GRID2: variants seen among roughly 807,000 people sequenced by gnomAD.
The protein encoded by GRID2 is glutamate ionotropic receptor delta type subunit 2.
GRID2 carries 33 observed loss-of-function variants against 114.8 expected under a neutral mutation model. The ratio of observed to expected loss-of-function variants is 0.29; its 90% CI spans 0.22 to 0.38. GRID2 has a LOEUF of 0.38. GRID2 is among the 10% of genes least tolerant of loss of function. The pLI, the probability that GRID2 is intolerant of heterozygous loss-of-function variation, is 1.00. For synonymous variants in GRID2, 505 were observed against 449.9 expected, an observed-to-expected ratio of 1.12 and a Z score of -1.55; for missense variants, 1,184 against 1,257.7, an observed-to-expected ratio of 0.94 and a Z score of 0.89.
rs536291769 is a variant in GRID2 at position 93,060,150 on chromosome 4, C to T, written c.245-24845C>T. Among the ~76,000 whole-genome samples, 8 of 152,172 alleles carry T rather than the reference C, an allele frequency of 5.3e-5. No individual in the cohort carries two copies. The East Asian group carries it at 5.8e-4, about 11-fold the overall frequency. ...TGTCGTTTACTGGAAAACCTCCCTG[C>T]GTGTGTAATTTGACAGCATTTTAGA... On this transcript the variant is annotated intron_variant, in intron 2 of 15. Coordinates refer to ENST00000282020, the MANE Select transcript of GRID2 (RefSeq NM_001510.4).
At chr4:92,995,228 C>T (rs1755128646) in intron 2 of GRID2, among the ~76,000 whole-genome samples, 1 of 152,104 alleles carries the variant, frequency 6.6e-6, no homozygotes, top group African/African-American at 2.4e-5. Context: ...CACTTTTCCT[C>T]ACAAGTGGAT....
At chr4:93,120,570 G>C (rs1358894887) in intron 4 of GRID2, among the ~76,000 whole-genome samples, 1 of 152,118 alleles carries the variant, frequency 6.6e-6, no homozygotes, top group African/African-American at 2.4e-5. Context: ...ACAGGGAGGG[G>C]AGCATCACAC....
chr4:92,373,384 T>C (rs1342212639), intron 1 of GRID2, among the ~76,000 whole-genome samples: 1 of 152,224 alleles, frequency 6.6e-6, no homozygotes, highest in African/African-American at 2.4e-5. Context: ...TGGTGTTCTA[T>C]GAAATTATCT....
intron 2 of GRID2, among the ~76,000 whole-genome samples, chr4:92,900,554 G>A (rs937110032): frequency 3.3e-5 from 5 of 152,194 alleles, no homozygotes; most frequent in East Asian, 3.9e-4. Flanking sequence ...TTCCAGGCCA[G>A]GCACGGCGGC....
intron 8 of GRID2, among the ~76,000 whole-genome samples, chr4:93,346,807 G>A (rs924279395): frequency 4.7e-4 from 71 of 152,200 alleles, no homozygotes; most frequent in African/African-American, 1.4e-3. Context: ...GAATAGACTG[G>A]ATTAAGAAAG....
chr4:93,576,444 G>A (rs1242685214), intron 13 of GRID2, among the ~76,000 whole-genome samples: 1 of 152,132 alleles, frequency 6.6e-6, no homozygotes, highest in Non-Finnish European at 1.5e-5. Context: ...CTTTTTGGGG[G>A]TCAGGACAAG....
At chr4:93,198,570 G>T (rs972210901) in intron 4 of GRID2, among the ~76,000 whole-genome samples, 1 of 152,132 alleles carries the variant, frequency 6.6e-6, no homozygotes, top group African/African-American at 2.4e-5. Context: ...CACTTACATA[G>T]TTATCTACGA....
intron 14 of GRID2, among the ~76,000 whole-genome samples, chr4:93,765,582 C>T (rs1027490299): frequency 3.1e-4 from 45 of 143,688 alleles, no homozygotes; most frequent in Admixed American, 2.5e-3. Context: ...CTTTTAATTC[C>T]TATTAGAATT....
intron 4 of GRID2, among the ~76,000 whole-genome samples, chr4:93,127,300 A>C (rs72887654): frequency 0.06 from 9,167 of 152,240 alleles, 481 homozygotes; most frequent in East Asian, 0.2. Context: ...TTTAATCAGT[A>C]AGTTTGTGTT....
At chr4:92,588,794 T>C (rs1363792253) in intron 1 of GRID2, among the ~76,000 whole-genome samples, 1 of 150,238 alleles carries the variant, frequency 6.7e-6, no homozygotes, top group Non-Finnish European at 1.5e-5. Flanking sequence ...ACTGATACAA[T>C]CCATGCCAAT....
chr4:92,691,636 T>C lies in GRID2; in HGVS notation c.244+101350T>C, dbSNP rs973916147. Among the ~76,000 whole-genome samples, 19 of 152,218 alleles carry C rather than the reference T, an allele frequency of 1.2e-4. 1 individual carries two copies. The highest frequency in any genetic ancestry group is 4.6e-4 in the African/African-American group (19 of 41,464). ...TTAAAGTAAATGTAATATTTCAAAA[T>C]CTCTGGGCTGGGGCCCAAAATCTTA... On this transcript the variant is annotated intron_variant, in intron 2 of 15. Transcript: ENST00000282020.
At chr4:93,184,311 G>A (rs1482018788) in intron 4 of GRID2, among the ~76,000 whole-genome samples, 1 of 152,016 alleles carries the variant, frequency 6.6e-6, no homozygotes, top group Non-Finnish European at 1.5e-5. Context: ...AAAGGGGAGT[G>A]GTGAACAGTG....
chr4:92,464,846 A>C (rs932724805), intron 1 of GRID2, among the ~76,000 whole-genome samples: 2 of 152,088 alleles, frequency 1.3e-5, no homozygotes, highest in Non-Finnish European at 1.5e-5. Flanking sequence ...CTCGTGTTGA[A>C]TTGTTATTCC....
At chr4:93,363,153 G>A (rs1001381291) in intron 8 of GRID2, among the ~76,000 whole-genome samples, 2 of 152,100 alleles carry the variant, frequency 1.3e-5, no homozygotes, top group African/African-American at 2.4e-5. Flanking sequence ...GGAGATGAAG[G>A]TTGCAGTGAG....
chr4:92,794,250 G>A (rs555423007), intron 2 of GRID2, among the ~76,000 whole-genome samples: 2 of 151,876 alleles, frequency 1.3e-5, no homozygotes, highest in African/African-American at 4.8e-5. Flanking sequence ...TTACAGGCAT[G>A]AGCCACCACA....
chr4:93,323,387 T>C (rs1757456362), intron 8 of GRID2, among the ~76,000 whole-genome samples: 1 of 152,180 alleles, frequency 6.6e-6, no homozygotes, highest in South Asian at 2.1e-4. Context: ...GAGGGCTCTG[T>C]TCTGTTCCAT....
Position 93,589,656 on chromosome 4 carries a change from G to T in GRID2, c.2194-36613G>T, listed in dbSNP as rs371537799. 1.6e-3 allele frequency among the ~76,000 whole-genome samples: 241 copies of T among 151,612 alleles called. 3 individuals carry two copies. The highest frequency in any genetic ancestry group is 3.4e-3 in the Middle Eastern group (1 of 294). On this transcript the variant is annotated intron_variant, in intron 13 of 15. Transcript: ENST00000282020. Reference sequence around the variant, plus strand: ...GACTTCCACAATGGTTGAACTAGTTGACAGTCCCACCAACAGTGTAAAAGT... The same window carrying T: ...GACTTCCACAATGGTTGAACTAGTTTACAGTCCCACCAACAGTGTAAAAGT...
rs200705544 is a variant in GRID2, at chr4:93,772,460, A to C, written c.2986A>C (p.Asn996His). 4.3e-6 allele frequency: 7 copies of C among 1,609,524 alleles called. No individual in the cohort carries two copies. The highest frequency in any genetic ancestry group is 5.1e-6 in the Non-Finnish European group (6 of 1,177,244). ...TCAACCAACTCCTACCCTGGGGCTC[A>C]ATCTGGGTAATGATCCAGACCGAGG... ...PYQPTPTLGL[N>H]LGNDPDRGTS... The change falls in exon 16 of 16, where the codon AAT becomes CAT. Residue 996 changes from asparagine (N) to histidine (H), a missense_variant. Asn to His is a moderately conservative substitution (Grantham distance 68). Transcript: ENST00000282020.
intron 2 of GRID2, among the ~76,000 whole-genome samples, chr4:92,600,766 G>C (rs1434102742): frequency 6.6e-6 from 1 of 152,178 alleles, no homozygotes; most frequent in Admixed American, 6.5e-5. Flanking sequence ...CTTCCTCCGG[G>C]ATCTCCGTCG....
Sources: allele counts gnomAD v4.1 joint callset (sites outside exome capture counted in the v4.1 genomes callset), GRCh38; gene constraint gnomAD v4.1.1; transcripts MANE v1.5; gene names NCBI Gene and HGNC (gene_info 2026-07-23, HGNC 2026-07-21).